THSD7B: variants seen among roughly 807,000 people sequenced by gnomAD.
THSD7B encodes thrombospondin type-1 domain-containing protein 7B.
In THSD7B, 138 loss-of-function variants were observed where a neutral mutation model predicts 213.6. That is an observed-to-expected ratio of 0.65 (90% CI 0.56 to 0.74). THSD7B has a LOEUF of 0.74. Among genes scored for constraint, THSD7B ranks in the 30% least tolerant of loss-of-function variants. The probability of loss-of-function intolerance (pLI) is 0.00; values close to 1 mark genes in which losing one functional copy is unlikely to be tolerated. For synonymous variants in THSD7B, 742 were observed against 687.0 expected, an observed-to-expected ratio of 1.08 and a Z score of -1.25; for missense variants, 1,931 against 1,991.5, an observed-to-expected ratio of 0.97 and a Z score of 0.58.
At position 137,217,255 on chromosome 2, in the gene THSD7B, G is replaced by A. The variant is rs144741051; in HGVS notation, c.1724-13789G>A. On this transcript the variant is annotated intron_variant, in intron 7 of 27. Transcript: ENST00000409968. The stretch of plus-strand genomic sequence containing the variant: ...TGCCCATTATTTTTTACACTCTTCC[G>A]TACTTTCTTCCTATGTTGGCATAGT... 2.1e-3 allele frequency among the ~76,000 whole-genome samples: 324 copies of A among 152,208 alleles called. 3 individuals are homozygous for A. In the East Asian group the frequency reaches 0.024, roughly 11 times the overall value.
intron 15 of THSD7B, among the ~76,000 whole-genome samples, chr2:137,522,168 G>A (rs908923325): frequency 6.6e-6 from 1 of 152,164 alleles, no homozygotes; most frequent in Non-Finnish European, 1.5e-5. Flanking sequence ...CTCCCCATGA[G>A]TGCTCTATAG....
In THSD7B at chr2:137,420,882, A is replaced by T. The variant is rs188626256; in HGVS notation, c.2959+9010A>T. Among the ~76,000 whole-genome samples the T allele has an allele frequency of 8.8e-4, 134 of 152,136 alleles. 1 individual carries two copies. Among genetic ancestry groups the T allele is most frequent in the African/African-American group, 2.9e-3 (122 of 41,496 alleles). ...TCAAGGTGTAGTCAGGGCCATGCTC[A>T]CTCCAAAGGCTTTGGAAGAAAGCTT... On this transcript the variant is annotated intron_variant, in intron 14 of 27. Coordinates refer to ENST00000409968, the MANE Select transcript of THSD7B (RefSeq NM_001316349.2).
intron 5 of THSD7B, among the ~76,000 whole-genome samples, chr2:137,135,404 A>G (rs1180181746): frequency 6.6e-6 from 1 of 152,164 alleles, no homozygotes; most frequent in Admixed American, 6.5e-5. Flanking sequence ...TCCTTAAAAC[A>G]TGTACTCATT....
At chr2:137,242,409 G>T (rs10490735) in intron 9 of THSD7B, 48 bp from the exon 10 acceptor site, 12 of 1,440,064 alleles carry the variant, frequency 8.3e-6, no homozygotes, top group East Asian at 2.3e-5. Flanking sequence ...TGCGTTCAAC[G>T]GCTTAGTCTC....
rs139244780 is a variant in THSD7B, at chr2:137,090,623, A to T, written c.951-4250A>T. The stretch of plus-strand genomic sequence containing the variant: ...TAATTTACAAAAGACAGCATGTTCT[A>T]TACATGTGACAGGGGTCAAATTATC... On this transcript the variant is annotated intron_variant, in intron 3 of 27. Transcript: ENST00000409968. Among the ~76,000 whole-genome samples the T allele has an allele frequency of 7.0e-3, 1,066 of 152,314 alleles. 13 individuals are homozygous for T. Among genetic ancestry groups the T allele is most frequent in the Middle Eastern group, 0.024 (7 of 294 alleles).
chr2:137,187,493 C>A (rs112143428), intron 7 of THSD7B, among the ~76,000 whole-genome samples: 1 of 152,136 alleles, frequency 6.6e-6, no homozygotes, highest in African/African-American at 2.4e-5. Context: ...GTCCTGAAAC[C>A]ATGTTTGTAA....
chr2:137,181,818 G>A (rs574879911), intron 7 of THSD7B, among the ~76,000 whole-genome samples: 37 of 152,248 alleles, frequency 2.4e-4, no homozygotes, highest in Non-Finnish European at 5.0e-4. Context: ...TCCCCATAAG[G>A]CATGGTGATA....
At chr2:137,249,030 AT>A (rs1682108482) in intron 10 of THSD7B, among the ~76,000 whole-genome samples, 1 of 152,034 alleles carries the variant, frequency 6.6e-6, no homozygotes, top group Non-Finnish European at 1.5e-5. Context: ...AAGTCCATAG[AT>A]CGCTACATGG....
intron 2 of THSD7B, among the ~76,000 whole-genome samples, chr2:136,957,543 T>C (rs1685147936): frequency 6.6e-6 from 1 of 152,132 alleles, no homozygotes. Flanking sequence ...TTCATTTGTG[T>C]GACTAAAGTA....
chr2:136,901,162 C>G (rs1215011014), intron 2 of THSD7B, among the ~76,000 whole-genome samples: 1 of 151,964 alleles, frequency 6.6e-6, no homozygotes, highest in African/African-American at 2.4e-5. Flanking sequence ...ATCCTTAAAT[C>G]TTAAGTTTCT....
chr2:136,785,320 G>T (rs1681821848), intron 1 of THSD7B, among the ~76,000 whole-genome samples: 2 of 152,110 alleles, frequency 1.3e-5, no homozygotes, highest in African/African-American at 4.8e-5. Context: ...GATGATGTTT[G>T]GCTGTTCCCC....
At position 137,636,694 on chromosome 2, in the gene THSD7B, A is replaced by G. The variant is rs914386466; in HGVS notation, c.3800-5794A>G. On this transcript the variant is annotated intron_variant, in intron 20 of 27. Coordinates refer to ENST00000409968, the MANE Select transcript of THSD7B (RefSeq NM_001316349.2). ...AGTAATAAAGACTTTTTGTATTCTCAGTTTTATTTTACAGAAAATTTATGC... is the reference window on the plus strand; with the variant it reads ...AGTAATAAAGACTTTTTGTATTCTCGGTTTTATTTTACAGAAAATTTATGC... Among the ~76,000 whole-genome samples the G allele has an allele frequency of 3.3e-5, 5 of 152,054 alleles. No individual in the cohort carries two copies. The East Asian group carries it at 5.8e-4, about 18-fold the overall frequency.
intron 2 of THSD7B, among the ~76,000 whole-genome samples, chr2:136,931,215 T>G (rs1278403178): frequency 6.6e-6 from 1 of 152,130 alleles, no homozygotes; most frequent in African/African-American, 2.4e-5. Context: ...AAGGGAAATA[T>G]GTATATACAT....
intron 4 of THSD7B, among the ~76,000 whole-genome samples, chr2:137,106,249 A>G (rs1176925822): frequency 2.6e-5 from 4 of 152,152 alleles, no homozygotes; most frequent in African/African-American, 4.8e-5. Context: ...CCACACATCT[A>G]CAATCATCTG....
chr2:137,167,192 A>ATTATTTATTTAT (rs565152667), intron 6 of THSD7B, among the ~76,000 whole-genome samples: 1 of 150,858 alleles, frequency 6.6e-6, no homozygotes, highest in African/African-American at 2.4e-5. Flanking sequence ...TTTTTATTTT[A>ATTATTTATTTAT]TTATTTATTT....
In THSD7B at chr2:137,239,580, A is replaced by C. The variant is rs562379769; in HGVS notation, c.2151-2877A>C. ...ACTCTAAAGGATGTATTTTTCACAG[A>C]AGAGCCATGTAGCTCTGCATTTATC... On this transcript the variant is annotated intron_variant, in intron 9 of 27. Coordinates refer to ENST00000409968, the MANE Select transcript of THSD7B (RefSeq NM_001316349.2). Among the ~76,000 whole-genome samples, 31 of 152,314 alleles carry C rather than the reference A, an allele frequency of 2.0e-4. No individual in the cohort carries two copies. The South Asian group carries it at 2.7e-3, about 13-fold the overall frequency.
At chr2:137,082,923 T>C (rs756591488) in intron 3 of THSD7B, among the ~76,000 whole-genome samples, 14 of 152,100 alleles carry the variant, frequency 9.2e-5, no homozygotes, top group Non-Finnish European at 1.5e-5. Context: ...TCAAGGATAC[T>C]CCTCAGGAAT....
chr2:136,844,424 A>T (rs1478949799), intron 1 of THSD7B, among the ~76,000 whole-genome samples: 1 of 151,442 alleles, frequency 6.6e-6, no homozygotes, highest in Non-Finnish European at 1.5e-5. Context: ...AAGATTTTTC[A>T]GCAAAAGCTG....
chr2:136,917,756 A>C (rs1331098159), intron 2 of THSD7B, among the ~76,000 whole-genome samples: 1 of 152,232 alleles, frequency 6.6e-6, no homozygotes, highest in Non-Finnish European at 1.5e-5. Context: ...GTCACCCTGG[A>C]GGACTCTTTA....
Sources: gnomAD v4.1 joint callset for allele counts (sites outside exome capture counted in the v4.1 genomes callset) on GRCh38, gnomAD v4.1.1 for gene constraint, MANE v1.5 for transcripts, NCBI Gene and HGNC (gene_info 2026-07-23, HGNC 2026-07-21) for gene names.